MARCHF1: variants seen among roughly 807,000 people sequenced by gnomAD.
MARCHF1 encodes the protein membrane associated ring-CH-type finger 1.
MARCHF1 carries 40 observed loss-of-function variants against 54.2 expected under a neutral mutation model. The ratio of observed to expected loss-of-function variants is 0.74; its 90% CI spans 0.57 to 0.96. MARCHF1 has a LOEUF of 0.96. MARCHF1 is among the 40% of genes least tolerant of loss of function. The pLI is 0.00. For missense variants in MARCHF1, 586 were observed against 656.5 expected (o/e 0.89, Z 1.17); for synonymous variants, 236 against 236.3 (o/e 1.00, Z 0.01).
chr4:164,308,568 A>G (rs1043316624), intron 1 of MARCHF1, among the ~76,000 whole-genome samples: 1 of 152,152 alleles, frequency 6.6e-6, no homozygotes, highest in Non-Finnish European at 1.5e-5. Context: ...ACCACAACTA[A>G]TTGTGGGAGA....
At chr4:163,913,390 C>T (rs997140845) in intron 3 of MARCHF1, among the ~76,000 whole-genome samples, 7 of 152,154 alleles carry the variant, frequency 4.6e-5, no homozygotes, top group Non-Finnish European at 1.5e-5. Context: ...TTAGTTGTTA[C>T]TCAGAACAGC....
At chr4:163,845,181 G>A (rs2111143664) in intron 4 of MARCHF1, among the ~76,000 whole-genome samples, 1 of 152,154 alleles carries the variant, frequency 6.6e-6, no homozygotes, top group South Asian at 2.1e-4. Context: ...ATTGTGCCTT[G>A]ATATATACAT....
intron 3 of MARCHF1, among the ~76,000 whole-genome samples, chr4:163,958,015 G>T (rs897429955): frequency 6.6e-6 from 1 of 151,940 alleles, no homozygotes; most frequent in Non-Finnish European, 1.5e-5. Flanking sequence ...TACAATAAGA[G>T]CCCGAAAGAC....
chr4:164,102,771 C>T (rs1447678891), intron 2 of MARCHF1, among the ~76,000 whole-genome samples: 1 of 150,056 alleles, frequency 6.7e-6, no homozygotes, highest in Admixed American at 6.6e-5. Flanking sequence ...ACAATATTAA[C>T]TTTAAATGTC....
At chr4:163,711,007 A>C (rs182049068) in intron 4 of MARCHF1, among the ~76,000 whole-genome samples, 1 of 152,188 alleles carries the variant, frequency 6.6e-6, no homozygotes, top group East Asian at 1.9e-4. Flanking sequence ...TGTTCACATG[A>C]GAACAAAAAA....
At chr4:163,872,820 G>A (rs7694112) in intron 3 of MARCHF1, among the ~76,000 whole-genome samples, 14,281 of 151,802 alleles carry the variant, frequency 0.094, 694 homozygotes, top group African/African-American at 0.12. Context: ...AGAGGCGGGC[G>A]GATCATGAGG....
At chr4:163,815,992 A>T (rs973092928) in intron 4 of MARCHF1, among the ~76,000 whole-genome samples, 1 of 152,204 alleles carries the variant, frequency 6.6e-6, no homozygotes, top group Non-Finnish European at 1.5e-5. Context: ...ATGCACATGT[A>T]TTTACCAAGA....
chr4:164,209,289 C>A (rs1270073432), intron 1 of MARCHF1, among the ~76,000 whole-genome samples: 1 of 152,112 alleles, frequency 6.6e-6, no homozygotes, highest in African/African-American at 2.4e-5. Context: ...ATTTATAGCT[C>A]TACCACTTGG....
chr4:163,532,080 G>A (rs1191855458), intron 9 of MARCHF1, among the ~76,000 whole-genome samples: 1 of 151,788 alleles, frequency 6.6e-6, no homozygotes. Context: ...GTTATTTTAT[G>A]GATATTGACA....
chr4:164,091,410 T>TTATATATATA (rs1553980469), intron 2 of MARCHF1, among the ~76,000 whole-genome samples: 2,286 of 136,832 alleles, frequency 0.017, 33 homozygotes, highest in African/African-American at 0.045. Context: ...TCACCAAGTT[T>TTATATATATA]TATATATATA....
intron 1 of MARCHF1, among the ~76,000 whole-genome samples, chr4:164,176,526 G>A: frequency 6.6e-6 from 1 of 151,892 alleles, no homozygotes; most frequent in East Asian, 1.9e-4. Flanking sequence ...TATTTAATTG[G>A]CCTAAAATTA....
chr4:163,589,559 A>T (rs1740517720), intron 7 of MARCHF1, among the ~76,000 whole-genome samples: 1 of 152,114 alleles, frequency 6.6e-6, no homozygotes, highest in Admixed American at 6.6e-5. Flanking sequence ...ATCAACTTCA[A>T]ATATCTACTA....
intron 5 of MARCHF1, among the ~76,000 whole-genome samples, chr4:163,695,183 A>G (rs1416799056): frequency 6.6e-6 from 1 of 152,166 alleles, no homozygotes; most frequent in Non-Finnish European, 1.5e-5. Context: ...AAGAATTCTC[A>G]GTACATTTTA....
intron 2 of MARCHF1, among the ~76,000 whole-genome samples, chr4:164,081,207 CAAAAAA>C (rs60753810): frequency 6.9e-3 from 127 of 18,374 alleles, no homozygotes; most frequent in African/African-American, 0.022. Flanking sequence ...GACGCTGTCT[CAAAAAA>C]AAAAAAAAAA....
chr4:163,770,008 A>G (rs1007174046), intron 4 of MARCHF1, among the ~76,000 whole-genome samples: 2 of 152,066 alleles, frequency 1.3e-5, no homozygotes, highest in African/African-American at 4.8e-5. Flanking sequence ...CTTTATGATG[A>G]TTCACTTCCA....
chr4:164,142,397 A>G (rs1354390471), intron 1 of MARCHF1, among the ~76,000 whole-genome samples: 1 of 152,180 alleles, frequency 6.6e-6, no homozygotes, highest in Non-Finnish European at 1.5e-5. Context: ...AGACAGCAGT[A>G]ACCTCTGCAG....
Position 163,931,533 on chromosome 4 carries a change from A to C in MARCHF1, c.-39+56968T>G, listed in dbSNP as rs1298852851. Among the ~76,000 whole-genome samples, 22 of 152,302 alleles carry C rather than the reference A, an allele frequency of 1.4e-4. No individual in the cohort carries two copies. In the Middle Eastern group the frequency reaches 0.01, roughly 71 times the overall value. On this transcript the variant is annotated intron_variant, in intron 3 of 9. Transcript: ENST00000514618. ...ACTGAGAATATGGTTGTCTTTGAGA[A>C]AATGGGGCCTCATCAAACACTGAAT...
intron 4 of MARCHF1, among the ~76,000 whole-genome samples, chr4:163,852,903 T>A (rs939462410): frequency 6.6e-6 from 1 of 151,990 alleles, no homozygotes; most frequent in Admixed American, 6.6e-5. Context: ...GTCATGAGAG[T>A]GGGGCCCTCA....
intron 4 of MARCHF1, among the ~76,000 whole-genome samples, chr4:163,795,311 C>A (rs1218047894): frequency 2.0e-5 from 3 of 152,106 alleles, no homozygotes; most frequent in Admixed American, 6.5e-5. Flanking sequence ...CTCACTGCAA[C>A]CTCTGCCTCC....
Sources: allele counts gnomAD v4.1 joint callset (sites outside exome capture counted in the v4.1 genomes callset), GRCh38; gene constraint gnomAD v4.1.1; transcripts MANE v1.5; gene names NCBI Gene and HGNC (gene_info 2026-07-23, HGNC 2026-07-21).